The following CSMD3 variants were observed in gnomAD, a reference collection of about 807,000 sequenced individuals.
CSMD3 encodes CUB and Sushi multiple domains 3, also known as CUB and sushi domain-containing protein 3.
A neutral mutation model predicts 435.2 loss-of-function variants in CSMD3; 177 were observed. The ratio of observed to expected loss-of-function variants is 0.41; its 90% confidence interval spans 0.36 to 0.46. The LOEUF (loss-of-function observed/expected upper bound fraction) is 0.46. CSMD3 is among the 20% of genes least tolerant of loss of function. The pLI, the probability that CSMD3 is intolerant of heterozygous loss-of-function variation, is 0.34. For synonymous variants in CSMD3, 1,656 were observed against 1,520.5 expected (o/e 1.09, Z -2.07); for missense variants, 4,265 against 4,504.6 (o/e 0.95, Z 1.52).
At chr8:113,158,000 GA>G (rs1564375764) in intron 4 of CSMD3, among the ~76,000 whole-genome samples, 3 of 151,866 alleles carry the variant, frequency 2.0e-5, no homozygotes, top group African/African-American at 7.3e-5. Context: ...GAAGAATTTT[GA>G]AATCATTTCA....
At chr8:113,034,067 C>T (rs938723428) in intron 5 of CSMD3, among the ~76,000 whole-genome samples, 1 of 151,558 alleles carries the variant, frequency 6.6e-6, no homozygotes, top group African/African-American at 2.4e-5. Context: ...CCCTCACATC[C>T]ATGCAGAACT....
intron 5 of CSMD3, among the ~76,000 whole-genome samples, chr8:113,043,201 A>G (rs1449982045): frequency 1.3e-5 from 2 of 152,226 alleles, no homozygotes; most frequent in Non-Finnish European, 2.9e-5. Flanking sequence ...AGGGTCTGCA[A>G]GATCTAACTT....
intron 13 of CSMD3, among the ~76,000 whole-genome samples, chr8:112,758,350 T>TA (rs139183401): frequency 9.2e-5 from 10 of 108,778 alleles, no homozygotes; most frequent in African/African-American, 1.5e-4. Flanking sequence ...AGACTCCATT[T>TA]CAAAAAAAAA....
At chr8:112,525,735 A>C (rs780319620) in intron 27 of CSMD3, among the ~76,000 whole-genome samples, 37 of 143,026 alleles carry the variant, frequency 2.6e-4, no homozygotes, top group Middle Eastern at 7.2e-3. Context: ...AAAAAACCCC[A>C]AAAACCATAT....
At chr8:112,245,657 A>T (rs1253486108) in intron 64 of CSMD3, among the ~76,000 whole-genome samples, 1 of 151,606 alleles carries the variant, frequency 6.6e-6, no homozygotes, top group Non-Finnish European at 1.5e-5. Flanking sequence ...CCTGCCTCAG[A>T]CTCCTGAGGA....
At position 112,252,387 on chromosome 8, in the gene CSMD3, A is replaced by G. The variant is rs1357606654; in HGVS notation, c.10110+1866T>C. Among the ~76,000 whole-genome samples, 3 of 151,968 alleles carry G rather than the reference A, an allele frequency of 2.0e-5. No homozygotes were observed. The East Asian group carries it at 5.8e-4, about 29-fold the overall frequency. ...AGATAAACAGAAAGTAGTATAAAAAACTGAGTACTTGAAGCCAGTACCTAC... is the reference window on the plus strand; with the variant it reads ...AGATAAACAGAAAGTAGTATAAAAAGCTGAGTACTTGAAGCCAGTACCTAC... On this transcript the variant is annotated intron_variant, in intron 63 of 70. Transcript: ENST00000297405.
chr8:112,386,206 A>G (rs1313288598), intron 36 of CSMD3, among the ~76,000 whole-genome samples: 1 of 152,156 alleles, frequency 6.6e-6, no homozygotes, highest in African/African-American at 2.4e-5. Flanking sequence ...TCAGTGCAGT[A>G]AAGCTGATTT....
chr8:113,179,634 G>A (rs983628627), intron 3 of CSMD3, among the ~76,000 whole-genome samples: 3 of 151,584 alleles, frequency 2.0e-5, no homozygotes, highest in East Asian at 1.9e-4. Context: ...AAGCACAGTA[G>A]TTACCAAAAG....
chr8:113,367,373 C>T (rs13249480), intron 1 of CSMD3, among the ~76,000 whole-genome samples: 49,098 of 151,524 alleles, frequency 0.32, 9,833 homozygotes, highest in Non-Finnish European at 0.47. Context: ...CAGAATTTTG[C>T]CAAATTTACT....
intron 4 of CSMD3, among the ~76,000 whole-genome samples, chr8:113,164,544 T>C (rs1299714986): frequency 1.3e-5 from 2 of 151,926 alleles, no homozygotes; most frequent in East Asian, 3.9e-4. Context: ...TTCTTTTGAA[T>C]CAGATATGCA....
intron 59 of CSMD3, among the ~76,000 whole-genome samples, chr8:112,278,248 C>A (rs537944436): frequency 6.6e-6 from 1 of 152,270 alleles, no homozygotes; most frequent in Non-Finnish European, 1.5e-5. Context: ...ATAACTGGCT[C>A]TGCTGCCACC....
chr8:113,040,052 A>T (rs2087538795), intron 5 of CSMD3, among the ~76,000 whole-genome samples: 1 of 152,170 alleles, frequency 6.6e-6, no homozygotes, highest in Non-Finnish European at 1.5e-5. Context: ...AGCTCTACAA[A>T]TGAAACTAAG....
chr8:112,810,741 A>C (rs879920366), intron 12 of CSMD3, among the ~76,000 whole-genome samples: 10 of 152,126 alleles, frequency 6.6e-5, no homozygotes, highest in South Asian at 2.1e-4. Context: ...TTATCTTATA[A>C]ATGTAATATT....
chr8:112,966,442 C>A lies in CSMD3; in HGVS notation c.1342+9395G>T, dbSNP rs2084418183. 2.0e-5 allele frequency among the ~76,000 whole-genome samples: 3 copies of A among 150,688 alleles called. No individual in the cohort carries two copies. In the South Asian group the frequency reaches 6.3e-4, roughly 32 times the overall value. ...TTGGCATCAACTTTTGTATACTTTT[C>A]TTTTTTCTCTTTATTTTCTTTTCTT... On this transcript the variant is annotated intron_variant, in intron 7 of 70. Transcript: ENST00000297405.
intron 5 of CSMD3, among the ~76,000 whole-genome samples, chr8:113,074,697 C>A (rs562422880): frequency 3.3e-5 from 5 of 151,734 alleles, no homozygotes; most frequent in Admixed American, 2.0e-4. Context: ...ATTTTATGAC[C>A]ATGAAGTTTC....
At chr8:112,986,744 T>C (rs2085268347) in intron 6 of CSMD3, among the ~76,000 whole-genome samples, 2 of 152,104 alleles carry the variant, frequency 1.3e-5, no homozygotes, top group South Asian at 4.1e-4. Context: ...AAGAACTTAT[T>C]GCTCTTTGAA....
chr8:112,991,729 A>C (rs1402316859), intron 6 of CSMD3, among the ~76,000 whole-genome samples: 1 of 151,918 alleles, frequency 6.6e-6, no homozygotes, highest in Admixed American at 6.6e-5. Flanking sequence ...AAATATTATT[A>C]TGTGATACTA....
chr8:112,319,068 T>C, intron 46 of CSMD3, 118 bp from the exon 47 acceptor site: 1 of 712,664 alleles, frequency 1.4e-6, no homozygotes, highest in Non-Finnish European at 2.5e-6. Flanking sequence ...AGTATAAAAA[T>C]GTTATTAGGT....
intron 70 of CSMD3, among the ~76,000 whole-genome samples, chr8:112,225,225 C>T (rs1812458990): frequency 1.3e-5 from 2 of 151,756 alleles, no homozygotes; most frequent in South Asian, 4.2e-4. Flanking sequence ...ATTATTATGA[C>T]TTATCATTTA....
Sources: allele counts gnomAD v4.1 joint callset (sites outside exome capture counted in the v4.1 genomes callset), GRCh38; gene constraint gnomAD v4.1.1; transcripts MANE v1.5; gene names NCBI Gene and HGNC (gene_info 2026-07-23, HGNC 2026-07-21).